The following MCU variants were observed in gnomAD, a reference collection of about 807,000 sequenced individuals.
MCU encodes mitochondrial calcium uniporter, also known as calcium uniporter protein, mitochondrial.
In MCU, 12 loss-of-function variants were observed where a neutral mutation model predicts 45.2. The observed-to-expected ratio is 0.27, with a 90% CI of 0.17 to 0.43. The LOEUF (loss-of-function observed/expected upper bound fraction) is 0.43. Among genes scored for constraint, MCU ranks in the 20% least tolerant of loss-of-function variants. The pLI, the probability that MCU is intolerant of heterozygous loss-of-function variation, is 1.00. For missense variants in MCU, 324 were observed against 436.7 expected, an observed-to-expected ratio of 0.74 and a Z score of 2.30; for synonymous variants, 160 against 165.1, an observed-to-expected ratio of 0.97 and a Z score of 0.24.
chr10:72,814,812 C>T (rs988783007), intron 1 of MCU, among the ~76,000 whole-genome samples: 1 of 152,072 alleles, frequency 6.6e-6, no homozygotes, highest in Non-Finnish European at 1.5e-5. Context: ...TTTTTATAGA[C>T]TCAAATTATA....
chr10:72,862,227 C>T (rs958610416), intron 4 of MCU, among the ~76,000 whole-genome samples: 9 of 151,754 alleles, frequency 5.9e-5, no homozygotes, highest in South Asian at 2.1e-4. Context: ...GTGATCTGCC[C>T]GCCTCGGCCT....
At chr10:72,730,022 G>A (rs1843151058) in intron 1 of MCU, among the ~76,000 whole-genome samples, 1 of 134,130 alleles carries the variant, frequency 7.5e-6, no homozygotes, top group South Asian at 2.4e-4. Context: ...GCAGTGGCAT[G>A]ATCTTGGCTC....
At position 72,820,176 on chromosome 10, in the gene MCU, C is replaced by T. The variant is rs186854760; in HGVS notation, c.151-14183C>T. On this transcript the variant is annotated intron_variant, in intron 1 of 7. Coordinates refer to ENST00000373053, the MANE Select transcript of MCU (RefSeq NM_138357.3). ...TGTGCTGTGCATGTGAATATATTTA[C>T]ATGCCTTGTGTTTTTGTCATTATCG... Among the ~76,000 whole-genome samples the T allele has an allele frequency of 3.3e-5, 5 of 152,292 alleles. No individual in the cohort carries two copies. The East Asian group carries it at 5.8e-4, about 18-fold the overall frequency.
chr10:72,788,290 G>A (rs1182088504), intron 1 of MCU, among the ~76,000 whole-genome samples: 2 of 152,192 alleles, frequency 1.3e-5, no homozygotes, highest in East Asian at 3.8e-4. Context: ...TGGGATTGTA[G>A]TGAAAACACA....
intron 1 of MCU, among the ~76,000 whole-genome samples, chr10:72,790,976 G>A (rs1360253590): frequency 2.6e-5 from 4 of 152,104 alleles, no homozygotes; most frequent in East Asian, 1.9e-4. Context: ...TGCTCTATTC[G>A]TATATAATTA....
intron 1 of MCU, chr10:72,692,710 T>C: frequency 8.0e-7 from 1 of 1,246,476 alleles, no homozygotes; most frequent in Non-Finnish European, 1.0e-6. Flanking sequence ...GGTTGGGGAG[T>C]TCTGAGTTGC....
intron 1 of MCU, among the ~76,000 whole-genome samples, chr10:72,818,511 G>C (rs1435248594): frequency 3.3e-5 from 5 of 152,074 alleles, no homozygotes; most frequent in Non-Finnish European, 5.9e-5. Flanking sequence ...TAGTAGCATT[G>C]AATCTAAAGA....
chr10:72,724,818 G>A (rs1472720530), intron 1 of MCU, among the ~76,000 whole-genome samples: 1 of 152,110 alleles, frequency 6.6e-6, no homozygotes, highest in Non-Finnish European at 1.5e-5. Flanking sequence ...TGGATTCTTC[G>A]TTACTAGATT....
rs187847130 is a variant in MCU at position 72,887,229 on chromosome 10, G to A, written c.*1407G>A. 2.0e-4 allele frequency: 30 copies of A among 152,746 alleles called. No individual in the cohort carries two copies. Among genetic ancestry groups the A allele is most frequent in the African/African-American group, 5.5e-4 (23 of 41,500 alleles). The allele number at this position is 152,746 out of a possible 1,614,324, so 9.5% of individuals were successfully genotyped here. On this transcript the variant is annotated 3_prime_UTR_variant, in exon 8 of 8. Transcript: ENST00000373053. ...TTTCTTCCTCCTTTGGGATCATTGT[G>A]TATGAAAAGAAAAACTTTAAATGAC...
At chr10:72,715,753 CT>C (rs1842948897) in intron 1 of MCU, 1 of 403,228 alleles carries the variant, frequency 2.5e-6, no homozygotes, top group South Asian at 1.0e-4. Context: ...TGGTATCTTA[CT>C]TTTGCAGGTC....
chr10:72,735,523 A>G lies in MCU; in HGVS notation c.150+43222A>G, dbSNP rs78441081. 1.8e-4 allele frequency among the ~76,000 whole-genome samples: 27 copies of G among 152,312 alleles called. No homozygotes were observed. The East Asian group carries it at 5.0e-3, about 28-fold the overall frequency. ...AAGCATGGTGTCCAGAATGAGGACTATGATTGTCCCAAAGTATTGTGTTCA... is the reference window on the plus strand; with the variant it reads ...AAGCATGGTGTCCAGAATGAGGACTGTGATTGTCCCAAAGTATTGTGTTCA... On this transcript the variant is annotated intron_variant, in intron 1 of 7. Coordinates refer to ENST00000373053, the MANE Select transcript of MCU (RefSeq NM_138357.3).
intron 1 of MCU, among the ~76,000 whole-genome samples, chr10:72,799,505 C>A (rs749600719): frequency 6.7e-6 from 1 of 149,762 alleles, no homozygotes; most frequent in East Asian, 2.0e-4. Flanking sequence ...TTTTTTTAAA[C>A]AAGATGCGGT....
intron 1 of MCU, among the ~76,000 whole-genome samples, chr10:72,705,691 G>T (rs1007325939): frequency 4.6e-5 from 7 of 152,182 alleles, no homozygotes; most frequent in African/African-American, 1.7e-4. Flanking sequence ...GGTGGCACAA[G>T]CCTGTAATCC....
intron 2 of MCU, among the ~76,000 whole-genome samples, chr10:72,855,803 G>A (rs184950177): frequency 7.2e-4 from 110 of 152,242 alleles, no homozygotes; most frequent in Admixed American, 2.7e-3. Flanking sequence ...TTAAAAGGCA[G>A]AGATTGTTAG....
chr10:72,692,698 C>G, intron 1 of MCU: 1 of 1,223,870 alleles, frequency 8.2e-7, no homozygotes, highest in African/African-American at 1.5e-5. Context: ...CTCCTCCGGG[C>G]GGGTTGGGGA....
At chr10:72,732,644 T>G (rs1160238939) in intron 1 of MCU, among the ~76,000 whole-genome samples, 1 of 152,212 alleles carries the variant, frequency 6.6e-6, no homozygotes, top group Non-Finnish European at 1.5e-5. Context: ...TGCCCTTGGT[T>G]TCTGGTATGC....
chr10:72,830,183 G>T (rs1011343449), intron 1 of MCU, among the ~76,000 whole-genome samples: 1 of 152,136 alleles, frequency 6.6e-6, no homozygotes, highest in African/African-American at 2.4e-5. Flanking sequence ...TAGTTGAGTG[G>T]GGTATAGAGA....
chr10:72,777,445 G>A (rs1843912890), intron 1 of MCU, among the ~76,000 whole-genome samples: 2 of 152,166 alleles, frequency 1.3e-5, no homozygotes, highest in South Asian at 4.1e-4. Flanking sequence ...ATACAATGGG[G>A]AAAGGACAGT....
intron 6 of MCU, among the ~76,000 whole-genome samples, chr10:72,875,074 C>T (rs1251165530): frequency 6.6e-6 from 1 of 152,060 alleles, no homozygotes; most frequent in African/African-American, 2.4e-5. Flanking sequence ...GATGAGGAAA[C>T]TGAGTCTCCA....
Sources: gnomAD v4.1 joint callset for allele counts (sites outside exome capture counted in the v4.1 genomes callset) on GRCh38, gnomAD v4.1.1 for gene constraint, MANE v1.5 for transcripts, NCBI Gene and HGNC (gene_info 2026-07-23, HGNC 2026-07-21) for gene names.